BZW2: variants seen among roughly 807,000 people sequenced by gnomAD.
The protein encoded by BZW2 is eIF5-mimic protein 1.
BZW2 carries 23 observed loss-of-function variants against 53.2 expected under a neutral mutation model. The ratio of observed to expected loss-of-function variants is 0.43; its 90% CI spans 0.31 to 0.61. The LOEUF is 0.61. Ranked by LOEUF, BZW2 falls within the 20% of genes least tolerant of loss-of-function variation. The pLI, the probability that BZW2 is intolerant of heterozygous loss-of-function variation, is 0.09. For synonymous variants in BZW2, 227 were observed against 186.4 expected, an observed-to-expected ratio of 1.22 and a Z score of -1.77; for missense variants, 409 against 503.1, an observed-to-expected ratio of 0.81 and a Z score of 1.79.
At chr7:16,670,505 T>G (rs549879799) in intron 2 of BZW2, among the ~76,000 whole-genome samples, 35 of 152,236 alleles carry the variant, frequency 2.3e-4, no homozygotes, top group Non-Finnish European at 1.9e-4. Context: ...TTATTTGATT[T>G]TGGAAACTGG....
intron 1 of BZW2, among the ~76,000 whole-genome samples, chr7:16,658,707 T>G (rs1385245118): frequency 2.0e-5 from 3 of 152,008 alleles, no homozygotes; most frequent in Admixed American, 2.0e-4. Flanking sequence ...AAACCCCGTC[T>G]GTACTAAAAA....
intron 7 of BZW2, among the ~76,000 whole-genome samples, chr7:16,690,288 G>T (rs1783260189): frequency 1.3e-5 from 2 of 151,592 alleles, no homozygotes; most frequent in Admixed American, 6.6e-5. Context: ...TGCAACCTCT[G>T]CCTCCGGAGT....
intron 4 of BZW2, among the ~76,000 whole-genome samples, chr7:16,682,235 C>T (rs1236278414): frequency 2.6e-5 from 4 of 152,200 alleles, no homozygotes; most frequent in Admixed American, 2.6e-4. Context: ...TACATAAAAA[C>T]ATCATTCCAC....
intron 1 of BZW2, among the ~76,000 whole-genome samples, chr7:16,654,764 C>T (rs935728802): frequency 6.6e-6 from 1 of 151,706 alleles, no homozygotes; most frequent in Non-Finnish European, 1.5e-5. Flanking sequence ...GTCTCAAACT[C>T]CTGACCTCAG....
At chr7:16,701,350 T>A (rs1242497737) in intron 10 of BZW2, among the ~76,000 whole-genome samples, 2 of 152,190 alleles carry the variant, frequency 1.3e-5, no homozygotes, top group Non-Finnish European at 2.9e-5. Context: ...ACTGTTATTA[T>A]CTCTATCATG....
chr7:16,671,270 T>G (rs1266990073), intron 2 of BZW2, among the ~76,000 whole-genome samples: 1 of 152,340 alleles, frequency 6.6e-6, no homozygotes, highest in South Asian at 2.1e-4. Flanking sequence ...AGGGTTTATA[T>G]TTTTGTGACA....
At chr7:16,691,628 A>G (rs696282) in intron 7 of BZW2, among the ~76,000 whole-genome samples, 60,904 of 152,070 alleles carry the variant, frequency 0.4, 12,442 homozygotes, top group African/African-American at 0.5. Context: ...GGAAAATCCA[A>G]TCCACTAATA....
chr7:16,689,979 T>A lies in BZW2; in HGVS notation c.651+73T>A. 2.7e-6 allele frequency: 3 copies of A among 1,100,508 alleles called. 1 individual carries two copies. Among genetic ancestry groups the A allele is most frequent in the Non-Finnish European group, 3.9e-6 (3 of 765,724 alleles). The allele number at this position is 1,100,508 out of a possible 1,614,324, so 68.2% of individuals were successfully genotyped here. ...AGCTTAAGCAATGCCTGCAATGTAG[T>A]ATATGAGTAAGATCCCTGGATCTGT... is the stretch of plus-strand genomic sequence containing the variant. On this transcript the variant is annotated intron_variant, in intron 7 of 11. Transcript: ENST00000258761.
chr7:16,678,957 C>T (rs1462822119), intron 3 of BZW2, among the ~76,000 whole-genome samples: 2 of 152,028 alleles, frequency 1.3e-5, no homozygotes, highest in Non-Finnish European at 2.9e-5. Context: ...TATCACAAGG[C>T]AGATGGGGGC....
At chr7:16,698,821 C>T (rs1192327609) in intron 10 of BZW2, among the ~76,000 whole-genome samples, 1 of 152,048 alleles carries the variant, frequency 6.6e-6, no homozygotes, top group East Asian at 1.9e-4. Context: ...TTTGGGCCTA[C>T]ATTTATGTAG....
chr7:16,654,083 CAAAAAAAAAA>C (rs61590306), intron 1 of BZW2, among the ~76,000 whole-genome samples: 3 of 82,534 alleles, frequency 3.6e-5, no homozygotes, highest in Non-Finnish European at 6.7e-5. Flanking sequence ...CCCATCTCTA[CAAAAAAAAAA>C]AAAAAAAAAA....
intron 11 of BZW2, 74 bp from the exon 12 acceptor site, chr7:16,705,986 G>T: frequency 6.5e-7 from 1 of 1,550,092 alleles, no homozygotes; most frequent in Non-Finnish European, 8.9e-7. Context: ...GTTCTGGGTT[G>T]GTGACTGTAG....
At position 16,669,137 on chromosome 7, in the gene BZW2, T is replaced by C. The variant is rs149746976; in HGVS notation, c.58+3636T>C. Among the ~76,000 whole-genome samples, 263 of 152,334 alleles carry C rather than the reference T, an allele frequency of 1.7e-3. 5 individuals carry two copies. In the East Asian group the frequency reaches 0.034, roughly 20 times the overall value. ...GCTCTGTAAATAATGTTTTTTGTTTTTGTTGTTGGAGACAGTCTCACTCTG... is the reference window on the plus strand; with the variant it reads ...GCTCTGTAAATAATGTTTTTTGTTTCTGTTGTTGGAGACAGTCTCACTCTG... On this transcript the variant is annotated intron_variant, in intron 2 of 11. Coordinates refer to ENST00000258761, the MANE Select transcript of BZW2 (RefSeq NM_014038.3).
intron 1 of BZW2, among the ~76,000 whole-genome samples, chr7:16,662,820 A>G (rs1183132022): frequency 6.6e-6 from 1 of 152,164 alleles, no homozygotes; most frequent in Non-Finnish European, 1.5e-5. Flanking sequence ...GGACGGAAAG[A>G]AAGAAGAAAA....
intron 1 of BZW2, among the ~76,000 whole-genome samples, chr7:16,654,422 G>A (rs1308426602): frequency 2.0e-5 from 3 of 151,086 alleles, no homozygotes; most frequent in East Asian, 3.9e-4. Context: ...ATAACTCCAA[G>A]TCCAAATGCA....
intron 2 of BZW2, among the ~76,000 whole-genome samples, chr7:16,674,071 T>C (rs1179074742): frequency 1.3e-5 from 2 of 152,130 alleles, no homozygotes; most frequent in Admixed American, 6.5e-5. Flanking sequence ...GCTAATTTTT[T>C]ATATTTTTAA....
chr7:16,685,481 G>C (rs556451688), intron 5 of BZW2, among the ~76,000 whole-genome samples: 1 of 151,534 alleles, frequency 6.6e-6, no homozygotes, highest in South Asian at 2.1e-4. Context: ...TCTATTCAGA[G>C]AAAATGGGTA....
At chr7:16,697,865 T>G (rs1361969118) in intron 9 of BZW2, 183 bp from the exon 10 acceptor site, 2 of 638,808 alleles carry the variant, frequency 3.1e-6, no homozygotes, top group Admixed American at 6.0e-5. Context: ...AGGTCGACTA[T>G]ACTGCTTTGT....
chr7:16,664,576 A>G (rs1782363255), intron 1 of BZW2, among the ~76,000 whole-genome samples: 2 of 152,244 alleles, frequency 1.3e-5, no homozygotes. Context: ...CGAGATGTGT[A>G]TTGAACATAC....
Sources: allele counts gnomAD v4.1 joint callset (sites outside exome capture counted in the v4.1 genomes callset), GRCh38; gene constraint gnomAD v4.1.1; transcripts MANE v1.5; gene names NCBI Gene and HGNC (gene_info 2026-07-23, HGNC 2026-07-21).